The following CUEDC1 variants were observed in gnomAD, a reference collection of about 807,000 sequenced individuals.
CUEDC1 encodes CUE domain-containing protein 1.
In CUEDC1, 30 loss-of-function variants were observed where a neutral mutation model predicts 43.7. That is an observed-to-expected ratio of 0.69 (90% CI 0.51 to 0.93). The LOEUF (loss-of-function observed/expected upper bound fraction) is 0.93, where lower values mean the gene tolerates loss of function less well. Ranked by LOEUF, CUEDC1 falls within the 40% of genes least tolerant of loss-of-function variation. The pLI is 0.00. For synonymous variants in CUEDC1, 223 were observed against 223.6 expected (o/e 1.00, Z 0.02); for missense variants, 486 against 549.0 (o/e 0.89, Z 1.15).
chr17:57,914,585 C>T (rs963249672), intron 1 of CUEDC1, among the ~76,000 whole-genome samples: 1 of 152,180 alleles, frequency 6.6e-6, no homozygotes, highest in Non-Finnish European at 1.5e-5. Flanking sequence ...CAACTGGGAG[C>T]TCCTGGAGCT....
chr17:57,913,303 G>A (rs1189724038), intron 1 of CUEDC1, among the ~76,000 whole-genome samples: 1 of 151,464 alleles, frequency 6.6e-6, no homozygotes, highest in East Asian at 1.9e-4. Context: ...ACTCCAGCCT[G>A]GGCAACAAGA....
At chr17:57,903,751 C>G (rs915435721) in intron 1 of CUEDC1, among the ~76,000 whole-genome samples, 1 of 151,864 alleles carries the variant, frequency 6.6e-6, no homozygotes, top group Non-Finnish European at 1.5e-5. Flanking sequence ...CCAGCTTGAG[C>G]AACATAGAGA....
rs190301151 is a variant in CUEDC1 at position 57,893,604 on chromosome 17, G to A, written c.-315-7725C>T. Among the ~76,000 whole-genome samples, 5 of 151,260 alleles carry A rather than the reference G, an allele frequency of 3.3e-5. No homozygotes were observed. The East Asian group carries it at 9.6e-4, about 29-fold the overall frequency. On this transcript the variant is annotated intron_variant, in intron 1 of 10. Coordinates refer to ENST00000577830, the MANE Select transcript of CUEDC1 (RefSeq NM_001271875.2). ...CATTCCCGAGGCCCCCAGAGCTGCT[G>A]GGCAGCCACACCTGTGCCCACCCCC... is the stretch of plus-strand genomic sequence containing the variant.
rs1015477255 is a variant in CUEDC1, at chr17:57,861,996, C to T, written c.*1293G>A. ...GCGAGTCCGGGCAGGGTGGGCGGGA[C>T]GAGGTGCGATCGCCGGCTCGCCTTC... On this transcript the variant is annotated 3_prime_UTR_variant, in exon 11 of 11. Transcript: ENST00000577830. 3 of 152,214 alleles carry T rather than the reference C, an allele frequency of 2.0e-5. No homozygotes were observed. Among genetic ancestry groups the T allele is most frequent in the African/African-American group, 4.8e-5 (2 of 41,464 alleles). The allele number at this position is 152,214 out of a possible 1,614,324, so 9.4% of individuals were successfully genotyped here.
intron 1 of CUEDC1, among the ~76,000 whole-genome samples, chr17:57,917,366 A>G (rs1422939778): frequency 6.6e-6 from 1 of 152,224 alleles, no homozygotes. Flanking sequence ...CAGGTGACAC[A>G]TACTAAGTGC....
intron 3 of CUEDC1, among the ~76,000 whole-genome samples, chr17:57,876,592 A>G (rs568746518): frequency 2.0e-5 from 3 of 152,280 alleles, no homozygotes; most frequent in African/African-American, 7.2e-5. Context: ...CCACCTCATC[A>G]TACACATGGC....
At chr17:57,936,235 G>T (rs1567723669) in intron 1 of CUEDC1, among the ~76,000 whole-genome samples, 1 of 152,130 alleles carries the variant, frequency 6.6e-6, no homozygotes, top group Non-Finnish European at 1.5e-5. Flanking sequence ...GGACTCCCAG[G>T]GCCCCTGAGT....
intron 1 of CUEDC1, among the ~76,000 whole-genome samples, chr17:57,905,850 G>A (rs939198367): frequency 6.6e-6 from 1 of 152,226 alleles, no homozygotes; most frequent in Non-Finnish European, 1.5e-5. Context: ...CTAAAAGGAA[G>A]GGTTGTGTGG....
At chr17:57,882,598 G>C (rs1195047799) in intron 2 of CUEDC1, among the ~76,000 whole-genome samples, 1 of 152,102 alleles carries the variant, frequency 6.6e-6, no homozygotes, top group Non-Finnish European at 1.5e-5. Flanking sequence ...ACAAGAGTTT[G>C]AACTGCGTGG....
At chr17:57,873,859 G>T in intron 3 of CUEDC1, 142 bp from the exon 4 acceptor site, 1 of 814,532 alleles carries the variant, frequency 1.2e-6, no homozygotes, top group Non-Finnish European at 1.8e-6. Context: ...ACAAAGGCCC[G>T]TCACTCTGTC....
At chr17:57,884,763 C>CACTT (rs1417166523) in intron 2 of CUEDC1, among the ~76,000 whole-genome samples, 2 of 152,246 alleles carry the variant, frequency 1.3e-5, no homozygotes, top group Admixed American at 1.3e-4. Context: ...CTCCATCGAG[C>CACTT]ACTTACCACT....
chr17:57,899,369 C>T (rs952103237), intron 1 of CUEDC1, among the ~76,000 whole-genome samples: 3 of 152,214 alleles, frequency 2.0e-5, no homozygotes, highest in African/African-American at 7.2e-5. Context: ...TGCCCAGGTC[C>T]CCTCTCCTGC....
intron 1 of CUEDC1, among the ~76,000 whole-genome samples, chr17:57,908,206 G>A (rs748102695): frequency 7.2e-5 from 11 of 152,182 alleles, no homozygotes; most frequent in East Asian, 1.9e-4. Context: ...ACAGGTGCTC[G>A]CCACCACACC....
intron 1 of CUEDC1, among the ~76,000 whole-genome samples, chr17:57,953,039 G>A (rs1289773835): frequency 6.6e-6 from 1 of 152,074 alleles, no homozygotes; most frequent in Non-Finnish European, 1.5e-5. Flanking sequence ...AGTCCAAAGG[G>A]ATCTAAGGAA....
chr17:57,884,196 T>C (rs113600783), intron 2 of CUEDC1, among the ~76,000 whole-genome samples: 77 of 133,682 alleles, frequency 5.8e-4, no homozygotes, highest in Non-Finnish European at 8.6e-4. Context: ...TCTTTTCTTT[T>C]TTTTTTTTTT....
At chr17:57,875,448 C>A (rs1479183841) in intron 3 of CUEDC1, among the ~76,000 whole-genome samples, 1 of 152,210 alleles carries the variant, frequency 6.6e-6, no homozygotes, top group Non-Finnish European at 1.5e-5. Context: ...CCAGGCCCAG[C>A]CCCCTCCCGG....
At chr17:57,881,077 C>T (rs1007094291) in intron 2 of CUEDC1, among the ~76,000 whole-genome samples, 1 of 152,236 alleles carries the variant, frequency 6.6e-6, no homozygotes, top group Non-Finnish European at 1.5e-5. Flanking sequence ...CCAGGCCTCA[C>T]TGGTACATCT....
intron 1 of CUEDC1, among the ~76,000 whole-genome samples, chr17:57,952,840 A>G (rs1024317737): frequency 1.3e-5 from 2 of 152,156 alleles, no homozygotes; most frequent in African/African-American, 4.8e-5. Flanking sequence ...GTCCCAAGGT[A>G]GAGAAGTCAC....
At chr17:57,925,796 C>T (rs2074741625) in intron 1 of CUEDC1, among the ~76,000 whole-genome samples, 1 of 152,216 alleles carries the variant, frequency 6.6e-6, no homozygotes, top group African/African-American at 2.4e-5. Context: ...GAAGGAGCCA[C>T]AGCAGCTGTC....
Sources: gnomAD v4.1 joint callset for allele counts (sites outside exome capture counted in the v4.1 genomes callset) on GRCh38, gnomAD v4.1.1 for gene constraint, MANE v1.5 for transcripts, NCBI Gene and HGNC (gene_info 2026-07-23, HGNC 2026-07-21) for gene names.